Variants in MACROD1 observed in about 807,000 individuals in gnomAD.
MACROD1 encodes the protein ADP-ribose glycohydrolase MACROD1.
Under a neutral mutation model 41.4 loss-of-function variants are expected in MACROD1, and 31 were observed. The observed-to-expected ratio is 0.75, with a 90% CI of 0.56 to 1.01. The LOEUF (loss-of-function observed/expected upper bound fraction) is 1.01, where lower values mean the gene tolerates loss of function less well. MACROD1 is among the 50% of genes least tolerant of loss of function. MACROD1 has a pLI of 0.00. For missense variants in MACROD1, 473 were observed against 460.0 expected, an observed-to-expected ratio of 1.03 and a Z score of -0.26; for synonymous variants, 252 against 203.4, an observed-to-expected ratio of 1.24 and a Z score of -2.03.
intron 1 of MACROD1, 138 bp from the exon 2 acceptor site, chr11:64,152,531 G>A: frequency 1.5e-6 from 1 of 685,822 alleles, no homozygotes; most frequent in Non-Finnish European, 2.6e-6. Flanking sequence ...ACACAGGGCA[G>A]GCATGCTGGG....
intron 3 of MACROD1, among the ~76,000 whole-genome samples, chr11:64,063,136 A>G (rs1052256724): frequency 2.0e-5 from 3 of 152,166 alleles, no homozygotes; most frequent in Non-Finnish European, 4.4e-5. Context: ...AGGCCACCCT[A>G]TGGTGATCAA....
chr11:64,061,097 C>CG (rs1341928526), intron 3 of MACROD1, among the ~76,000 whole-genome samples: 3 of 152,160 alleles, frequency 2.0e-5, no homozygotes, highest in African/African-American at 7.2e-5. Context: ...GAGAGCCTCG[C>CG]GCTGGAAGGA....
At chr11:64,047,619 G>A (rs183474538) in intron 3 of MACROD1, among the ~76,000 whole-genome samples, 22 of 152,216 alleles carry the variant, frequency 1.4e-4, no homozygotes, top group African/African-American at 4.8e-4. Flanking sequence ...AAGGAAGGCC[G>A]GGCGCGGTGG....
intron 1 of MACROD1, among the ~76,000 whole-genome samples, chr11:64,163,541 A>G (rs1267779097): frequency 6.6e-6 from 1 of 152,182 alleles, no homozygotes; most frequent in Non-Finnish European, 1.5e-5. Context: ...AAAGCTTAGG[A>G]CATCTATCCC....
intron 3 of MACROD1, among the ~76,000 whole-genome samples, chr11:64,134,662 C>G (rs1025608635): frequency 6.6e-6 from 1 of 152,036 alleles, no homozygotes; most frequent in African/African-American, 2.4e-5. Flanking sequence ...TGCGCCACAC[C>G]TGTACACAGC....
Position 64,165,712 on chromosome 11 carries a change from A to T in MACROD1, c.283T>A (p.Trp95Arg). The T allele has an allele frequency of 6.8e-7, 1 of 1,465,608 alleles. No homozygotes were observed. Among genetic ancestry groups the T allele is most frequent in the Non-Finnish European group, 9.0e-7 (1 of 1,106,662 alleles). The allele number at this position is 1,465,608 out of a possible 1,614,324, so 90.8% of individuals were successfully genotyped here. A position where few individuals can be genotyped will look rare whatever the true frequency, so the allele number is the denominator to read the frequency against. ...AKVDLSTSTDWKEAKSFLKGL... is the reference protein window; with the variant it reads ...AKVDLSTSTDRKEAKSFLKGL... ...TTACACTTACATTTCGCCTCCTTCC[A>T]GTCGGTGGAGGTGCTCAGGTCCACC... Residue 95 changes from tryptophan to arginine, a missense_variant, in exon 1 of 11, where the codon TGG becomes AGG. Transcript: ENST00000255681.
intron 3 of MACROD1, among the ~76,000 whole-genome samples, chr11:64,072,358 C>T (rs1944125481): frequency 2.0e-5 from 3 of 151,896 alleles, no homozygotes; most frequent in Non-Finnish European, 4.4e-5. Context: ...TGGCAGAGGC[C>T]GTGGAAGCCA....
intron 3 of MACROD1, among the ~76,000 whole-genome samples, chr11:64,069,049 TGGCAGGTGGGGGTGGGGCAGGATGGG>T (rs1407793834): frequency 1.4e-5 from 2 of 144,476 alleles, no homozygotes; most frequent in East Asian, 4.1e-4. Context: ...CCGGGGGCAG[TGGCAGGTGGGGGTGGGGCAGGATGGG>T]GGCAGGAGAA....
chr11:64,073,571 G>A (rs1051515757), intron 3 of MACROD1, among the ~76,000 whole-genome samples: 5 of 152,336 alleles, frequency 3.3e-5, no homozygotes, highest in Admixed American at 1.3e-4. Context: ...GTTGCCTGCC[G>A]TGCTGAGGCC....
chr11:64,008,841 G>A (rs1036810905), intron 4 of MACROD1, among the ~76,000 whole-genome samples: 4 of 152,128 alleles, frequency 2.6e-5, no homozygotes, highest in Admixed American at 6.5e-5. Flanking sequence ...TCTCCTGCCC[G>A]CCTGCCAGGG....
intron 3 of MACROD1, among the ~76,000 whole-genome samples, chr11:64,123,600 G>T (rs1290214572): frequency 3.9e-5 from 6 of 152,088 alleles, no homozygotes; most frequent in Non-Finnish European, 2.9e-5. Context: ...GGGAGCCAGG[G>T]TCTCTGAAGA....
intron 3 of MACROD1, among the ~76,000 whole-genome samples, chr11:64,075,627 A>G (rs1022784071): frequency 6.6e-6 from 1 of 152,200 alleles, no homozygotes; most frequent in Non-Finnish European, 1.5e-5. Context: ...CAACCTACAC[A>G]GCTCTGGCTG....
intron 3 of MACROD1, among the ~76,000 whole-genome samples, chr11:64,025,003 G>T (rs1309792629): frequency 6.6e-6 from 1 of 152,096 alleles, no homozygotes; most frequent in Admixed American, 6.5e-5. Context: ...TTGAGACAGA[G>T]TCTCACTCTG....
intron 1 of MACROD1, among the ~76,000 whole-genome samples, chr11:64,160,576 G>A (rs930921105): frequency 2.0e-5 from 3 of 152,222 alleles, no homozygotes; most frequent in East Asian, 1.9e-4. Context: ...TTTTGCAGGC[G>A]GAGGTGGGAG....
At chr11:64,142,531 G>A (rs1945427952) in intron 3 of MACROD1, among the ~76,000 whole-genome samples, 1 of 152,188 alleles carries the variant, frequency 6.6e-6, no homozygotes, top group South Asian at 2.1e-4. Flanking sequence ...TCCTTTCTGA[G>A]TGCCGCCCCC....
At chr11:64,164,283 C>G (rs1466390609) in intron 1 of MACROD1, among the ~76,000 whole-genome samples, 1 of 152,218 alleles carries the variant, frequency 6.6e-6, no homozygotes, top group Non-Finnish European at 1.5e-5. Context: ...ACACAGCAGC[C>G]CAGGAACCCC....
At chr11:64,116,864 G>A (rs767360343) in intron 3 of MACROD1, 159 of 1,611,968 alleles carry the variant, frequency 9.9e-5, no homozygotes, top group African/African-American at 4.5e-4. Flanking sequence ...TGCCGCACAC[G>A]CTGGAGGAGC....
chr11:64,164,898 C>T, intron 1 of MACROD1, among the ~76,000 whole-genome samples: 1 of 150,314 alleles, frequency 6.7e-6, no homozygotes, highest in East Asian at 1.9e-4. Context: ...TCAGTAGCGG[C>T]AGCTTGGGTT....
In MACROD1 at chr11:64,031,172, G is replaced by A. The variant is rs1287931189; in HGVS notation, c.518-15891C>T. On this transcript the variant is annotated intron_variant, in intron 3 of 10. Coordinates refer to ENST00000255681, the MANE Select transcript of MACROD1 (RefSeq NM_014067.4). ...CAGTGGCCTGGTCTGACCTGCCTTG[G>A]GCCCCTCCCTGCTCCCAGCACCAGT... 2.6e-5 allele frequency among the ~76,000 whole-genome samples: 4 copies of A among 152,226 alleles called. No homozygotes were observed. The East Asian group carries it at 5.8e-4, about 22-fold the overall frequency.
Sources: allele counts gnomAD v4.1 joint callset (sites outside exome capture counted in the v4.1 genomes callset), GRCh38; gene constraint gnomAD v4.1.1; transcripts MANE v1.5; gene names NCBI Gene and HGNC (gene_info 2026-07-23, HGNC 2026-07-21).